The following PPFIA2 variants were observed in gnomAD, a reference collection of about 807,000 sequenced individuals.
The protein encoded by PPFIA2 is liprin-alpha-2.
Under a neutral mutation model 175.5 loss-of-function variants are expected in PPFIA2, and 46 were observed. The observed-to-expected ratio is 0.26, with a 90% CI of 0.21 to 0.34. The LOEUF (loss-of-function observed/expected upper bound fraction) is 0.34. PPFIA2 is among the 10% of genes least tolerant of loss of function. PPFIA2 has a pLI of 1.00. For synonymous variants in PPFIA2, 568 were observed against 511.4 expected (o/e 1.11, Z -1.49); for missense variants, 1,179 against 1,506.1 (o/e 0.78, Z 3.60).
chr12:81,462,286 C>CATAT (rs71881439), intron 4 of PPFIA2, among the ~76,000 whole-genome samples: 150 of 135,936 alleles, frequency 1.1e-3, no homozygotes, highest in African/African-American at 3.7e-3. Flanking sequence ...TGTTAGAAAA[C>CATAT]ATATATATAT....
intron 15 of PPFIA2, among the ~76,000 whole-genome samples, chr12:81,361,080 G>T (rs563265632): frequency 6.6e-6 from 1 of 151,598 alleles, no homozygotes; most frequent in Non-Finnish European, 1.5e-5. Context: ...GTTGATCAAA[G>T]AATAATTGTT....
intron 4 of PPFIA2, among the ~76,000 whole-genome samples, chr12:81,664,271 A>C (rs2153554077): frequency 6.6e-6 from 1 of 152,246 alleles, no homozygotes; most frequent in South Asian, 2.1e-4. Flanking sequence ...AATGGGAGAA[A>C]ATTTTTGCAA....
At chr12:81,587,140 T>C (rs930318522) in intron 4 of PPFIA2, among the ~76,000 whole-genome samples, 2 of 152,006 alleles carry the variant, frequency 1.3e-5, no homozygotes, top group South Asian at 2.1e-4. Flanking sequence ...TGGTCATTGA[T>C]ATGGTTTGCA....
At chr12:81,687,104 AG>A (rs1361113046) in intron 3 of PPFIA2, among the ~76,000 whole-genome samples, 3 of 152,060 alleles carry the variant, frequency 2.0e-5, no homozygotes, top group Non-Finnish European at 2.9e-5. Context: ...ATGCAGGCTA[AG>A]GTTGGAGAAC....
intron 8 of PPFIA2, among the ~76,000 whole-genome samples, chr12:81,386,781 A>T (rs1430277922): frequency 2.0e-5 from 3 of 152,142 alleles, no homozygotes; most frequent in Non-Finnish European, 4.4e-5. Flanking sequence ...GAGAGAAAAT[A>T]CAGAAAGTAC....
intron 17 of PPFIA2, among the ~76,000 whole-genome samples, chr12:81,352,002 A>G (rs2060096800): frequency 6.6e-6 from 1 of 152,156 alleles, no homozygotes; most frequent in Non-Finnish European, 1.5e-5. Flanking sequence ...TATCCCATTT[A>G]AAGGCATTAA....
Position 81,287,512 on chromosome 12 carries a change from T to C in PPFIA2, c.2926-3209A>G, listed in dbSNP as rs183594531. 2.0e-5 allele frequency among the ~76,000 whole-genome samples: 3 copies of C among 152,050 alleles called. No individual in the cohort carries two copies. In the East Asian group the frequency reaches 5.8e-4, roughly 29 times the overall value. On this transcript the variant is annotated intron_variant, in intron 24 of 32. Transcript: ENST00000549396. ...TCAGAAGTTGTATGTTAGTTGTTTC[T>C]GTTTGATATGCAGTTTTACTTGTGA... is the stretch of plus-strand genomic sequence containing the variant.
chr12:81,685,765 G>C (rs1368419924), intron 3 of PPFIA2, among the ~76,000 whole-genome samples: 1 of 151,940 alleles, frequency 6.6e-6, no homozygotes, highest in Non-Finnish European at 1.5e-5. Flanking sequence ...AATTAGTTTG[G>C]GTATTTCATA....
At chr12:81,671,370 A>T (rs2071383491) in intron 4 of PPFIA2, among the ~76,000 whole-genome samples, 1 of 151,734 alleles carries the variant, frequency 6.6e-6, no homozygotes, top group Non-Finnish European at 1.5e-5. Flanking sequence ...TAACCATCTA[A>T]TTTTTTTAAA....
chr12:81,758,367 G>A (rs1236661070), intron 2 of PPFIA2, 33 bp downstream of exon 2: 1 of 456,312 alleles, frequency 2.2e-6, no homozygotes, highest in Non-Finnish European at 4.4e-6. Flanking sequence ...TACAGCGAAA[G>A]GAGACAGTAA....
chr12:81,385,087 C>T (rs2038627926), intron 8 of PPFIA2, among the ~76,000 whole-genome samples: 1 of 152,006 alleles, frequency 6.6e-6, no homozygotes, highest in Non-Finnish European at 1.5e-5. Flanking sequence ...TACAGATGAC[C>T]AGCAGATACA....
At chr12:81,729,961 A>C (rs2153638689) in intron 3 of PPFIA2, among the ~76,000 whole-genome samples, 1 of 151,708 alleles carries the variant, frequency 6.6e-6, no homozygotes, top group Middle Eastern at 3.4e-3. Flanking sequence ...TGTCCCCAGA[A>C]CTGTCAGAAA....
rs191172925 is a variant in PPFIA2, at chr12:81,438,107, T to C, written c.645+1865A>G. On this transcript the variant is annotated intron_variant, in intron 7 of 32. Coordinates refer to ENST00000549396, the MANE Select transcript of PPFIA2 (RefSeq NM_003625.5). ...GCTGAAAGTCCATTATTTCTAAAGGTTAAATTGTTATGGCTGGGACAAAGA... is the reference window on the plus strand; with the variant it reads ...GCTGAAAGTCCATTATTTCTAAAGGCTAAATTGTTATGGCTGGGACAAAGA... 9.2e-5 allele frequency among the ~76,000 whole-genome samples: 14 copies of C among 152,304 alleles called. 1 individual carries two copies. The East Asian group carries it at 2.7e-3, about 29-fold the overall frequency.
intron 28 of PPFIA2, among the ~76,000 whole-genome samples, chr12:81,276,731 A>T (rs1161649862): frequency 6.6e-6 from 1 of 152,186 alleles, no homozygotes; most frequent in African/African-American, 2.4e-5. Flanking sequence ...TGTTATTCAA[A>T]TAAAACATTT....
chr12:81,368,073 T>C, intron 13 of PPFIA2: 2 of 1,266,842 alleles, frequency 1.6e-6, no homozygotes, highest in Non-Finnish European at 2.1e-6. Flanking sequence ...ATTTCTAAAA[T>C]GATGTGATCA....
Position 81,685,003 on chromosome 12 carries a change from G to GA in PPFIA2, c.250-8160dup, listed in dbSNP as rs145379658. Among the ~76,000 whole-genome samples, 1,126 of 152,130 alleles carry GA rather than the reference G, an allele frequency of 7.4e-3. 21 individuals carry two copies. Among genetic ancestry groups the GA allele is most frequent in the African/African-American group, 0.026 (1,071 of 41,510 alleles). ...TTGTACAATCAATAAATCAATGCTTGAAAATTTGACCTAACATGTATGTCT... is the reference window on the plus strand; with the variant it reads ...TTGTACAATCAATAAATCAATGCTTGAAAAATTTGACCTAACATGTATGTCT... On this transcript the variant is annotated intron_variant, in intron 3 of 32. Transcript: ENST00000549396.
At chr12:81,494,303 C>A (rs1223678149) in intron 4 of PPFIA2, among the ~76,000 whole-genome samples, 1 of 151,990 alleles carries the variant, frequency 6.6e-6, no homozygotes, top group East Asian at 1.9e-4. Context: ...AGACACTTCT[C>A]AAAAGAAGAC....
chr12:81,575,477 G>A (rs2073344550), intron 4 of PPFIA2, among the ~76,000 whole-genome samples: 1 of 151,694 alleles, frequency 6.6e-6, no homozygotes, highest in African/African-American at 2.4e-5. Flanking sequence ...TTGGCAATGT[G>A]ATCACACCAT....
At chr12:81,600,391 T>A (rs989272931) in intron 4 of PPFIA2, among the ~76,000 whole-genome samples, 1 of 151,952 alleles carries the variant, frequency 6.6e-6, no homozygotes, top group African/African-American at 2.4e-5. Context: ...CTCCCATCCT[T>A]TTGTTTTTAG....
Sources: allele counts gnomAD v4.1 joint callset (sites outside exome capture counted in the v4.1 genomes callset), GRCh38; gene constraint gnomAD v4.1.1; transcripts MANE v1.5; gene names NCBI Gene and HGNC (gene_info 2026-07-23, HGNC 2026-07-21).